ZFPM2: variants seen among roughly 807,000 people sequenced by gnomAD.
ZFPM2 encodes zinc finger protein, FOG family member 2.
Under a neutral mutation model 98.6 loss-of-function variants are expected in ZFPM2, and 20 were observed. The observed-to-expected ratio is 0.20, with a 90% confidence interval of 0.14 to 0.29. ZFPM2 has a LOEUF of 0.29. Ranked by LOEUF, ZFPM2 falls within the 10% of genes least tolerant of loss-of-function variation. The pLI is 1.00. For missense variants in ZFPM2, 1,310 were observed against 1,388.6 expected, an observed-to-expected ratio of 0.94 and a Z score of 0.90; for synonymous variants, 518 against 502.7, an observed-to-expected ratio of 1.03 and a Z score of -0.41.
At chr8:105,750,016 A>G (rs1281792694) in intron 5 of ZFPM2, among the ~76,000 whole-genome samples, 1 of 152,068 alleles carries the variant, frequency 6.6e-6, no homozygotes, top group African/African-American at 2.4e-5. Context: ...AAAGAACGAA[A>G]AAATTGTATT....
At chr8:105,734,663 CTG>C (rs1812027205) in intron 5 of ZFPM2, among the ~76,000 whole-genome samples, 3 of 151,944 alleles carry the variant, frequency 2.0e-5, no homozygotes, top group African/African-American at 7.2e-5. Context: ...AAATCAGAAA[CTG>C]TAAACTTATG....
At position 105,643,266 on chromosome 8, in the gene ZFPM2, G is replaced by A. The variant is rs193078390; in HGVS notation, c.532+8909G>A. Among the ~76,000 whole-genome samples, 4 of 152,144 alleles carry A rather than the reference G, an allele frequency of 2.6e-5. No individual in the cohort carries two copies. In the East Asian group the frequency reaches 7.7e-4, roughly 29 times the overall value. ...CTTACTTCACTCATTACCAGACTTC[G>A]ACAATTTTTCAACACCAAATGAACC... On this transcript the variant is annotated intron_variant, in intron 5 of 7. Coordinates refer to ENST00000407775, the MANE Select transcript of ZFPM2 (RefSeq NM_012082.4).
intron 4 of ZFPM2, among the ~76,000 whole-genome samples, chr8:105,578,460 T>C (rs1815516469): frequency 6.6e-6 from 1 of 152,094 alleles, no homozygotes; most frequent in Non-Finnish European, 1.5e-5. Context: ...CTGAATATCT[T>C]TTATCATCAA....
intron 1 of ZFPM2, among the ~76,000 whole-genome samples, chr8:105,407,128 A>G (rs1181415191): frequency 7.2e-5 from 10 of 138,264 alleles, no homozygotes; most frequent in East Asian, 2.1e-4. Context: ...TTTTTTTTGC[A>G]TTTGCTGATA....
At chr8:105,393,393 C>CTTTCTTTCTTTCTTTCTTTTTTTT (rs1586340332) in intron 1 of ZFPM2, among the ~76,000 whole-genome samples, 1 of 30,002 alleles carries the variant, frequency 3.3e-5, no homozygotes, top group Non-Finnish European at 6.0e-5. Flanking sequence ...TTTCTTTCTT[C>CTTTCTTTCTTTCTTTCTTTTTTTT]TTCAGAATTT....
chr8:105,686,357 T>A lies in ZFPM2; in HGVS notation c.532+52000T>A, dbSNP rs151122813. Reference sequence around the variant, plus strand: ...ATCGTAATTTCCTTTCCATTTTCTCTGAGACTAATGCTGCATCTTCCAAAA... The same window carrying A: ...ATCGTAATTTCCTTTCCATTTTCTCAGAGACTAATGCTGCATCTTCCAAAA... On this transcript the variant is annotated intron_variant, in intron 5 of 7. Transcript: ENST00000407775. 3.2e-4 allele frequency among the ~76,000 whole-genome samples: 48 copies of A among 152,218 alleles called. 1 individual carries two copies. In the East Asian group the frequency reaches 8.9e-3, roughly 28 times the overall value.
intron 5 of ZFPM2, among the ~76,000 whole-genome samples, chr8:105,642,949 G>C (rs184032899): frequency 5.7e-4 from 87 of 152,288 alleles, no homozygotes; most frequent in Non-Finnish European, 1.1e-3. Context: ...TATCTGTTCA[G>C]TTTAGTTAAA....
chr8:105,373,600 G>C (rs1211207473), intron 1 of ZFPM2, among the ~76,000 whole-genome samples: 1 of 152,064 alleles, frequency 6.6e-6, no homozygotes, highest in Non-Finnish European at 1.5e-5. Context: ...TATAAAGAGT[G>C]CTAACAAAAT....
intron 7 of ZFPM2, among the ~76,000 whole-genome samples, chr8:105,799,235 A>G (rs1416992423): frequency 6.6e-6 from 1 of 152,214 alleles, no homozygotes; most frequent in Admixed American, 6.5e-5. Flanking sequence ...GAAAATCTCA[A>G]TACCCTTTGA....
At chr8:105,380,711 A>AT (rs1245824380) in intron 1 of ZFPM2, among the ~76,000 whole-genome samples, 1 of 39,160 alleles carries the variant, frequency 2.6e-5, no homozygotes, top group Non-Finnish European at 3.8e-5. Flanking sequence ...TATAATATAT[A>AT]TATATATTAT....
At chr8:105,656,170 CAT>C (rs1817281620) in intron 5 of ZFPM2, among the ~76,000 whole-genome samples, 1 of 152,016 alleles carries the variant, frequency 6.6e-6, no homozygotes, top group South Asian at 2.1e-4. Context: ...CACACACACA[CAT>C]ACACATATCC....
chr8:105,528,916 A>T (rs886227918), intron 3 of ZFPM2: 14 of 152,198 alleles, frequency 9.2e-5, no homozygotes, highest in African/African-American at 3.4e-4. Context: ...AGTCTGAAGT[A>T]AAGAAAGTTT....
intron 1 of ZFPM2, among the ~76,000 whole-genome samples, chr8:105,395,771 C>T (rs1245135043): frequency 2.0e-5 from 3 of 152,120 alleles, no homozygotes; most frequent in Non-Finnish European, 4.4e-5. Flanking sequence ...GAGATAGTAT[C>T]TTAGTTTTAC....
At chr8:105,581,424 G>T (rs1055065304) in intron 4 of ZFPM2, among the ~76,000 whole-genome samples, 1 of 151,958 alleles carries the variant, frequency 6.6e-6, no homozygotes, top group African/African-American at 2.4e-5. Flanking sequence ...CTAAAGTTGG[G>T]CCCAAAGCTT....
intron 1 of ZFPM2, among the ~76,000 whole-genome samples, chr8:105,394,114 C>CT (rs1811173664): frequency 6.6e-6 from 1 of 152,066 alleles, no homozygotes; most frequent in African/African-American, 2.4e-5. Context: ...AGGATGGTCT[C>CT]TATCTCCTGA....
At chr8:105,776,332 G>A (rs1024224509) in intron 5 of ZFPM2, among the ~76,000 whole-genome samples, 1 of 152,032 alleles carries the variant, frequency 6.6e-6, no homozygotes, top group Non-Finnish European at 1.5e-5. Flanking sequence ...TCTAAGTTCC[G>A]ATCAGACCTA....
At chr8:105,777,533 T>A (rs1389426925) in intron 5 of ZFPM2, among the ~76,000 whole-genome samples, 1 of 152,240 alleles carries the variant, frequency 6.6e-6, no homozygotes, top group African/African-American at 2.4e-5. Flanking sequence ...GGATGTTCTA[T>A]AAAAAGCTGT....
intron 4 of ZFPM2, among the ~76,000 whole-genome samples, chr8:105,619,357 A>T (rs1161326285): frequency 6.6e-6 from 1 of 152,074 alleles, no homozygotes; most frequent in Non-Finnish European, 1.5e-5. Flanking sequence ...ATCTACGTAT[A>T]TGTCATTTAG....
At position 105,771,265 on chromosome 8, in the gene ZFPM2, C is replaced by G. The variant is rs558979087; in HGVS notation, c.533-17453C>G. 2.0e-5 allele frequency among the ~76,000 whole-genome samples: 3 copies of G among 152,158 alleles called. No homozygotes were observed. In the East Asian group the frequency reaches 5.8e-4, roughly 29 times the overall value. ...CTTCTTCTTTTTCCTTTACTTAACA[C>G]TCATACCTAGAGGCAACTAATGATA... On this transcript the variant is annotated intron_variant, in intron 5 of 7. Coordinates refer to ENST00000407775, the MANE Select transcript of ZFPM2 (RefSeq NM_012082.4).
Sources: gnomAD v4.1 joint callset for allele counts (sites outside exome capture counted in the v4.1 genomes callset) on GRCh38, gnomAD v4.1.1 for gene constraint, MANE v1.5 for transcripts, NCBI Gene and HGNC (gene_info 2026-07-23, HGNC 2026-07-21) for gene names.